Variants in NEBL observed in about 807,000 individuals in gnomAD.
The protein encoded by NEBL is nebulette.
Under a neutral mutation model 140.2 loss-of-function variants are expected in NEBL, and 122 were observed. That is an observed-to-expected ratio of 0.87 (90% CI 0.75 to 1.01). NEBL has a LOEUF of 1.01. Among genes scored for constraint, NEBL ranks in the 50% least tolerant of loss-of-function variants. The pLI is 0.00. For missense variants in NEBL, 1,365 were observed against 1,231.3 expected, an observed-to-expected ratio of 1.11 and a Z score of -1.62; for synonymous variants, 436 against 398.9, an observed-to-expected ratio of 1.09 and a Z score of -1.11.
chr10:20,996,578 A>G (rs1837672010), intron 3 of NEBL, among the ~76,000 whole-genome samples: 2 of 152,232 alleles, frequency 1.3e-5, no homozygotes, highest in African/African-American at 2.4e-5. Context: ...CCGAGGACAC[A>G]TAGTATTAAG....
At chr10:20,939,357 TA>T (rs1834706539) in intron 4 of NEBL, among the ~76,000 whole-genome samples, 1 of 152,070 alleles carries the variant, frequency 6.6e-6, no homozygotes, top group Non-Finnish European at 1.5e-5. Flanking sequence ...GAAGGAGAAA[TA>T]AAATACTTTA....
intron 2 of NEBL, among the ~76,000 whole-genome samples, chr10:21,088,048 A>T (rs1836723741): frequency 6.6e-6 from 1 of 152,232 alleles, no homozygotes. Flanking sequence ...AACAAAGTGA[A>T]GCTTCCCCTG....
chr10:20,943,592 T>G (rs1765203511), intron 4 of NEBL, among the ~76,000 whole-genome samples: 1 of 148,204 alleles, frequency 6.7e-6, no homozygotes, highest in African/African-American at 2.5e-5. Context: ...AGTATAATAA[T>G]AAAAAAAAAA....
chr10:21,020,890 T>A (rs962223217), intron 2 of NEBL, among the ~76,000 whole-genome samples: 3 of 152,256 alleles, frequency 2.0e-5, no homozygotes, highest in Middle Eastern at 3.4e-3. Context: ...GGGGATCACA[T>A]CATTCCCACA....
intron 4 of NEBL, among the ~76,000 whole-genome samples, chr10:20,946,459 TTTTG>T (rs960876813): frequency 5.3e-5 from 8 of 152,086 alleles, no homozygotes; most frequent in South Asian, 2.1e-4. Context: ...TATTTTTGTT[TTTTG>T]TTTGTTTGTT....
chr10:21,084,933 T>C (rs1836554995), intron 2 of NEBL, among the ~76,000 whole-genome samples: 1 of 152,198 alleles, frequency 6.6e-6, no homozygotes, highest in Admixed American at 6.5e-5. Context: ...GCTAGCCCTG[T>C]TGCACATGAA....
At chr10:20,786,149 C>T (rs1283380790) in intron 27 of NEBL, among the ~76,000 whole-genome samples, 8 of 152,230 alleles carry the variant, frequency 5.3e-5, no homozygotes, top group South Asian at 2.1e-4. Flanking sequence ...TCACTAAATA[C>T]GACAGGTAGC....
At chr10:21,101,782 G>T (rs542932176) in intron 2 of NEBL, among the ~76,000 whole-genome samples, 1 of 152,278 alleles carries the variant, frequency 6.6e-6, no homozygotes, top group Non-Finnish European at 1.5e-5. Context: ...AACTCCAAAT[G>T]AGCTCAATAA....
At chr10:20,943,341 C>CA (rs1307619356) in intron 4 of NEBL, among the ~76,000 whole-genome samples, 5 of 152,120 alleles carry the variant, frequency 3.3e-5, no homozygotes, top group Admixed American at 6.5e-5. Flanking sequence ...ATCACAAGGA[C>CA]AAAAAACCAA....
intron 2 of NEBL, among the ~76,000 whole-genome samples, chr10:21,022,628 C>T (rs570432745): frequency 6.6e-6 from 1 of 152,130 alleles, no homozygotes; most frequent in East Asian, 1.9e-4. Context: ...AATTTTCCTG[C>T]CTTCTTAGAG....
chr10:20,818,771 A>G, intron 20 of NEBL: 5 of 984,258 alleles, frequency 5.1e-6, no homozygotes, highest in Non-Finnish European at 4.8e-6. Flanking sequence ...GATCTCTTGA[A>G]TAAGCAAACA....
At chr10:21,048,110 C>A (rs986495454) in intron 2 of NEBL, among the ~76,000 whole-genome samples, 1 of 152,166 alleles carries the variant, frequency 6.6e-6, no homozygotes, top group Non-Finnish European at 1.5e-5. Flanking sequence ...GGCAGCTTCA[C>A]CAGGAGGAAC....
intron 14 of NEBL, among the ~76,000 whole-genome samples, chr10:20,834,227 T>C (rs1044763157): frequency 1.3e-5 from 2 of 152,164 alleles, no homozygotes; most frequent in African/African-American, 4.8e-5. Flanking sequence ...TTTAAGATTT[T>C]TTTAAGTCGC....
chr10:20,812,977 A>G (rs1407891481), intron 23 of NEBL, 37 bp from the exon 24 acceptor site: 1 of 1,555,366 alleles, frequency 6.4e-7, no homozygotes, highest in Admixed American at 1.7e-5. Flanking sequence ...AATTTTGCGG[A>G]TAGTTACCTC....
At chr10:21,075,838 T>C (rs1413810958) in intron 2 of NEBL, among the ~76,000 whole-genome samples, 2 of 151,874 alleles carry the variant, frequency 1.3e-5, no homozygotes, top group Non-Finnish European at 2.9e-5. Context: ...AACAACAAAA[T>C]AACGAACAAC....
intron 3 of NEBL, among the ~76,000 whole-genome samples, chr10:21,208,601 A>G (rs777445489): frequency 5.3e-5 from 8 of 152,216 alleles, no homozygotes; most frequent in Non-Finnish European, 1.2e-4. Context: ...AGTGAGGGTC[A>G]GCATGAAATG....
At chr10:20,875,718 T>TAGCCAGCCAGCCAGCCAGCCAGCCAGCC (rs575325601) in intron 5 of NEBL, among the ~76,000 whole-genome samples, 26 of 151,728 alleles carry the variant, frequency 1.7e-4, no homozygotes, top group African/African-American at 4.6e-4. Context: ...GCAGGAGTGA[T>TAGCCAGCCAGCCAGCCAGCCAGCCAGCC]AGCCAGCCAG....
In NEBL at chr10:20,815,697, C is replaced by A; in HGVS notation, c.2169G>T (p.Leu723=). ...TTACACTTAAAGTGGTAGCTCTTCC[C>A]AGCTGACCTCTGTAATAAACCTATC... ...NISNVYYRGQ[L]GRATTLSVTP... Residue 723 remains leucine, a synonymous_variant, in exon 22 of 28, where the codon CTG becomes CTT. Transcript: ENST00000377122. 1.2e-6 allele frequency: 2 copies of A among 1,608,136 alleles called. No homozygotes were observed. Among genetic ancestry groups the A allele is most frequent in the Non-Finnish European group, 1.7e-6 (2 of 1,174,766 alleles).
chr10:20,858,377 A>T, intron 8 of NEBL, 33 bp from the exon 9 acceptor site: 2 of 1,475,292 alleles, frequency 1.4e-6, no homozygotes, highest in Non-Finnish European at 1.9e-6. Flanking sequence ...AATACCATCG[A>T]GGAGAAGAAA....
Sources: gnomAD v4.1 joint callset for allele counts (sites outside exome capture counted in the v4.1 genomes callset) on GRCh38, gnomAD v4.1.1 for gene constraint, MANE v1.5 for transcripts, NCBI Gene and HGNC (gene_info 2026-07-23, HGNC 2026-07-21) for gene names.